NEDD4: variants seen among roughly 807,000 people sequenced by gnomAD.
The protein encoded by NEDD4 is NEDD4 E3 ubiquitin protein ligase.
In NEDD4, 99 loss-of-function variants were observed where a neutral mutation model predicts 144.9. The ratio of observed to expected loss-of-function variants is 0.68; its 90% CI spans 0.58 to 0.81. NEDD4 has a LOEUF of 0.81. Among genes scored for constraint, NEDD4 ranks in the 30% least tolerant of loss-of-function variants. NEDD4 has a pLI of 0.00. For synonymous variants in NEDD4, 318 were observed against 350.6 expected (o/e 0.91, Z 1.04); for missense variants, 985 against 1,065.9 (o/e 0.92, Z 1.06).
At chr15:55,900,068 C>CT (rs113523545) in intron 5 of NEDD4, among the ~76,000 whole-genome samples, 21,719 of 145,166 alleles carry the variant, frequency 0.15, 1,676 homozygotes, top group East Asian at 0.36. Context: ...CATGACTCCA[C>CT]TTTTTTTTTT....
chr15:55,917,059 G>A (rs570905189), intron 5 of NEDD4: 3 of 1,265,848 alleles, frequency 2.4e-6, no homozygotes, highest in Non-Finnish European at 3.0e-6. Flanking sequence ...GTCTTGAATC[G>A]CTTGTAGTCA....
intron 17 of NEDD4, among the ~76,000 whole-genome samples, chr15:55,847,985 A>G (rs1353706559): frequency 1.3e-5 from 2 of 152,118 alleles, no homozygotes; most frequent in Admixed American, 1.3e-4. Flanking sequence ...TTTCTATAAA[A>G]AAATTTAAGA....
At chr15:55,832,118 G>T (rs1271131719) in intron 27 of NEDD4, among the ~76,000 whole-genome samples, 1 of 149,362 alleles carries the variant, frequency 6.7e-6, no homozygotes, top group East Asian at 2.0e-4. Flanking sequence ...AGTCTTCCCA[G>T]TCCTGCTGCC....
At chr15:55,832,177 T>C (rs2032982759) in intron 27 of NEDD4, among the ~76,000 whole-genome samples, 2 of 116,826 alleles carry the variant, frequency 1.7e-5, no homozygotes, top group Admixed American at 9.4e-5. Flanking sequence ...TCCACCCCTA[T>C]CTTGAAAAAA....
intron 5 of NEDD4, among the ~76,000 whole-genome samples, chr15:55,892,195 G>A (rs1340188227): frequency 1.3e-5 from 2 of 151,402 alleles, no homozygotes; most frequent in South Asian, 2.1e-4. Flanking sequence ...GAACCTGGAG[G>A]GGCAGAGGCT....
At chr15:55,921,000 T>C (rs942794759) in intron 5 of NEDD4, among the ~76,000 whole-genome samples, 1 of 152,180 alleles carries the variant, frequency 6.6e-6, no homozygotes, top group Non-Finnish European at 1.5e-5. Flanking sequence ...ACACAGTAGA[T>C]ATACTAAATG....
At chr15:55,952,213 A>C (rs1263070112) in intron 2 of NEDD4, among the ~76,000 whole-genome samples, 6 of 151,740 alleles carry the variant, frequency 4.0e-5, no homozygotes, top group Admixed American at 1.3e-4. Flanking sequence ...AGGCACTTTT[A>C]GTCACAACTA....
chr15:55,874,338 G>A (rs1386668277), intron 5 of NEDD4, among the ~76,000 whole-genome samples: 4 of 152,102 alleles, frequency 2.6e-5, no homozygotes, highest in Non-Finnish European at 4.4e-5. Context: ...GTAAGATTCA[G>A]TATTTATATG....
intron 5 of NEDD4, among the ~76,000 whole-genome samples, chr15:55,885,917 A>T (rs994796392): frequency 8.1e-5 from 11 of 135,196 alleles, no homozygotes; most frequent in African/African-American, 2.0e-4. Flanking sequence ...GAATAGATTT[A>T]AAAAAAAAAA....
At chr15:55,845,127 C>A (rs1172406110) in intron 18 of NEDD4, among the ~76,000 whole-genome samples, 1 of 152,126 alleles carries the variant, frequency 6.6e-6, no homozygotes, top group Non-Finnish European at 1.5e-5. Flanking sequence ...TAGCCTTCTC[C>A]TCTTCATGAT....
intron 1 of NEDD4, among the ~76,000 whole-genome samples, chr15:55,975,793 T>C (rs1222554858): frequency 2.0e-5 from 3 of 152,078 alleles, no homozygotes; most frequent in Admixed American, 1.3e-4. Context: ...CTAAAATACA[T>C]GGAATCACAA....
At chr15:55,948,432 T>A (rs981900279) in intron 4 of NEDD4, among the ~76,000 whole-genome samples, 1 of 152,208 alleles carries the variant, frequency 6.6e-6, no homozygotes, top group African/African-American at 2.4e-5. Flanking sequence ...ATGACTTTCT[T>A]CACAGAATTG....
At chr15:55,874,091 C>A in intron 5 of NEDD4, 83 bp from the exon 6 acceptor site, 2 of 726,026 alleles carry the variant, frequency 2.8e-6, no homozygotes, top group African/African-American at 1.8e-5. Flanking sequence ...CCACCATTCA[C>A]AGAAAATGTA....
intron 1 of NEDD4, among the ~76,000 whole-genome samples, chr15:55,977,322 C>A (rs1434185926): frequency 6.6e-6 from 1 of 152,136 alleles, no homozygotes; most frequent in Non-Finnish European, 1.5e-5. Flanking sequence ...CAGTATCATG[C>A]TGTAAAGGTT....
intron 13 of NEDD4, among the ~76,000 whole-genome samples, 167 bp from the exon 14 acceptor site, chr15:55,850,909 C>A (rs2033957992): frequency 6.6e-6 from 1 of 152,104 alleles, no homozygotes; most frequent in East Asian, 1.9e-4. Context: ...TTAATATTTT[C>A]CCAACATTTC....
At chr15:55,901,148 A>C (rs2035902691) in intron 5 of NEDD4, among the ~76,000 whole-genome samples, 1 of 152,122 alleles carries the variant, frequency 6.6e-6, no homozygotes, top group Non-Finnish European at 1.5e-5. Flanking sequence ...CATAATAATC[A>C]CATCATGGAT....
intron 1 of NEDD4, among the ~76,000 whole-genome samples, chr15:55,981,845 A>T (rs758740674): frequency 3.3e-5 from 5 of 152,226 alleles, no homozygotes; most frequent in Admixed American, 6.5e-5. Context: ...ACAGGTACAG[A>T]ACATGGGGGT....
Position 55,828,687 on chromosome 15 carries a change from T to A in NEDD4, c.*1210A>T, listed in dbSNP as rs1293476068. 6.6e-6 allele frequency: 1 copy of A among 152,646 alleles called. No homozygotes were observed. Among genetic ancestry groups the A allele is most frequent in the Non-Finnish European group, 1.5e-5 (1 of 68,038 alleles). The allele number at this position is 152,646 out of a possible 1,614,324, so 9.5% of individuals were successfully genotyped here. ...GATGAATACATGTACATGGTCTTTA[T>A]GTACTTCAGTTTGGTTAAAGGAAGA... On this transcript the variant is annotated 3_prime_UTR_variant, in exon 29 of 29. Coordinates refer to ENST00000435532, the MANE Select transcript of NEDD4 (RefSeq NM_006154.4).
intron 4 of NEDD4, among the ~76,000 whole-genome samples, chr15:55,931,432 T>A (rs1363805746): frequency 1.3e-5 from 2 of 152,212 alleles, no homozygotes; most frequent in Non-Finnish European, 2.9e-5. Flanking sequence ...CAAGATTTTT[T>A]AAATTTATTG....
Sources: allele counts gnomAD v4.1 joint callset (sites outside exome capture counted in the v4.1 genomes callset), GRCh38; gene constraint gnomAD v4.1.1; transcripts MANE v1.5; gene names NCBI Gene and HGNC (gene_info 2026-07-23, HGNC 2026-07-21).